Variants in MMP19 observed in about 807,000 individuals in gnomAD.
MMP19 encodes matrix metalloproteinase-19.
MMP19 carries 47 observed loss-of-function variants against 46.6 expected under a neutral mutation model. That is an observed-to-expected ratio of 1.01 (90% confidence interval 0.80 to 1.29). MMP19 has a LOEUF of 1.29. MMP19 is among the 50% of genes most tolerant of loss of function. MMP19 has a pLI of 0.00. For synonymous variants in MMP19, 222 were observed against 248.5 expected (o/e 0.89, Z 1.00); for missense variants, 589 against 643.5 (o/e 0.92, Z 0.92).
chr12:55,836,962 C>T lies in MMP19; in HGVS notation c.*74G>A, dbSNP rs1050163719. On this transcript the variant is annotated 3_prime_UTR_variant, in exon 9 of 9. Coordinates refer to ENST00000322569, the MANE Select transcript of MMP19 (RefSeq NM_002429.6). ...CATTCAGCTATTAGGCCTTAGGCTT[C>T]TGGGGGGGAAATGAAAGGGTGGGTG... 2.9e-5 allele frequency: 40 copies of T among 1,361,838 alleles called. No homozygotes were observed. Among genetic ancestry groups the T allele is most frequent in the Non-Finnish European group, 4.0e-5 (40 of 999,510 alleles). 84.4% of individuals were successfully genotyped at this position (1,361,838 alleles called of 1,614,324 possible).
Position 55,841,210 on chromosome 12 carries a change from G to T in MMP19, c.200C>A (p.Pro67Gln). ...LRAFQEASEL[P>Q]VSGQLDDATR... ...GGCATCATCCAGCTGACCTGAGACT[G>T]GAAGTTCAGATGCTTCCTGAAAAGC... Residue 67 changes from proline to glutamine, a missense_variant, in exon 3 of 9, where the codon CCA (proline) becomes CAA (glutamine). By Grantham distance (76) the Pro-to-Gln change is moderately conservative. Transcript: ENST00000322569. 1 of 1,613,638 alleles carries T rather than the reference G, an allele frequency of 6.2e-7. No homozygotes were observed. Among genetic ancestry groups the T allele is most frequent in the Non-Finnish European group, 8.5e-7 (1 of 1,179,936 alleles).
intron 4 of MMP19, 123 bp from the exon 5 acceptor site, chr12:55,839,864 C>T: frequency 7.8e-7 from 1 of 1,286,008 alleles, no homozygotes; most frequent in Non-Finnish European, 1.1e-6. Flanking sequence ...TTCACTGTCT[C>T]TTGGATGCTT....
chr12:55,837,473 C>T, intron 8 of MMP19, 82 bp downstream of exon 8: 4 of 1,596,000 alleles, frequency 2.5e-6, no homozygotes, highest in South Asian at 2.2e-5. Context: ...GAACATCTCC[C>T]TTCAAGCGCA....
At chr12:55,841,542 C>CCTTCCTTCCTTT (rs970298463) in intron 2 of MMP19, 2 of 262,428 alleles carry the variant, frequency 7.6e-6, no homozygotes, top group African/African-American at 4.4e-5. Context: ...TTCCTTCCTT[C>CCTTCCTTCCTTT]CTTCCTTCCT....
At position 55,840,713 on chromosome 12, in the gene MMP19, G is replaced by T. The variant is rs1881623394; in HGVS notation, c.474C>A (p.Phe158Leu). Residue 158 changes from phenylalanine (F) to leucine (L), a missense_variant, in exon 4 of 9, where the codon TTC (phenylalanine) becomes TTA (leucine). Phe to Leu is a conservative substitution (Grantham distance 22). Transcript: ENST00000322569. ...QAGAADIRLSFHGRQSSYCSN... is the reference protein window; with the variant it reads ...QAGAADIRLSLHGRQSSYCSN... ...AACAGTACGAGCTTTGGCGGCCATG[G>T]AAGGAGAGGCGGATGTCAGCCGCAC... The T allele has an allele frequency of 6.2e-7, 1 of 1,614,080 alleles. No individual in the cohort carries two copies. Among genetic ancestry groups the T allele is most frequent in the African/African-American group, 1.3e-5 (1 of 75,034 alleles).
chr12:55,841,180 CT>C lies in MMP19; in HGVS notation c.229del (p.Arg77GlyfsTer4). On this transcript the variant is annotated frameshift_variant, in exon 3 of 9. Coordinates refer to ENST00000322569, the MANE Select transcript of MMP19 (RefSeq NM_002429.6). LOFTEE classifies it high-confidence loss of function. ...PVSGQLDDATRARMRQPRCGL... is the reference protein window; with the variant it reads ...PVSGQLDDATXARMRQPRCGL... ...ACAACGAGGCTGCCTCATGCGGGCC[CT>C]TGTGGCATCATCCAGCTGACCTGAG... is the stretch of plus-strand genomic sequence containing the variant. The C allele has an allele frequency of 6.2e-7, 1 of 1,613,982 alleles. No homozygotes were observed. Among genetic ancestry groups the C allele is most frequent in the Non-Finnish European group, 8.5e-7 (1 of 1,179,998 alleles).
intron 2 of MMP19, among the ~76,000 whole-genome samples, chr12:55,841,645 C>G (rs1310794544): frequency 6.6e-6 from 1 of 151,946 alleles, no homozygotes; most frequent in Non-Finnish European, 1.5e-5. Context: ...TGTCAAACTT[C>G]TGGGCTCAAG....
At position 55,837,369 on chromosome 12, in the gene MMP19, G is replaced by A. The variant is rs139275281; in HGVS notation, c.1194C>T (p.Ser398=). 4.6e-5 allele frequency: 74 copies of A among 1,598,266 alleles called. No homozygotes were observed. Among genetic ancestry groups the A allele is most frequent in the East Asian group, 6.7e-5 (3 of 44,558 alleles). ...LNQKVFLFKG[S]GYWQWDELAR... is the part of the protein sequence containing the mutation. ...CTAGCTCGTCCCACTGCCAGTACCC[G>A]GAGCCCTGGATATGGGATGGGTGGG... The change falls in exon 9 of 9, where the codon TCC becomes TCT. Residue 398 remains serine (S), a synonymous_variant. Transcript: ENST00000322569.
chr12:55,840,253 G>A (rs1279371175), intron 4 of MMP19, among the ~76,000 whole-genome samples: 1 of 151,236 alleles, frequency 6.6e-6, no homozygotes, highest in African/African-American at 2.4e-5. Context: ...GGTTGAGGCT[G>A]CAGTGAGCCA....
chr12:55,841,290 G>A, intron 2 of MMP19, 54 bp from the exon 3 acceptor site: 1 of 1,581,480 alleles, frequency 6.3e-7, no homozygotes, highest in Non-Finnish European at 8.6e-7. Context: ...GAAATGACTG[G>A]GAGATGATTG....
Position 55,837,391 on chromosome 12 carries a change from T to TGGGGAGAGGGGAGAGGAA in MMP19, c.1189-35_1189-18dup. 6.3e-7 allele frequency: 1 copy of TGGGGAGAGGGGAGAGGAA among 1,589,836 alleles called. No individual in the cohort carries two copies. Among genetic ancestry groups the TGGGGAGAGGGGAGAGGAA allele is most frequent in the Middle Eastern group, 1.9e-4 (1 of 5,392 alleles). On this transcript the variant is annotated splice_polypyrimidine_tract_variant and intron_variant, in intron 8 of 8. Coordinates refer to ENST00000322569, the MANE Select transcript of MMP19 (RefSeq NM_002429.6). ...CCCGGAGCCCTGGATATGGGATGGG[T>TGGGGAGAGGGGAGAGGAA]GGGGAGAGGGGAGAGGAAGAGGAGA... is the stretch of plus-strand genomic sequence containing the variant.
chr12:55,840,608 C>G, intron 4 of MMP19, 59 bp downstream of exon 4: 2 of 1,523,492 alleles, frequency 1.3e-6, no homozygotes, highest in South Asian at 2.4e-5. Flanking sequence ...GTCACTGGTT[C>G]AAGGAGACAG....
Position 55,838,611 on chromosome 12 carries a change from A to C in MMP19, c.890T>G (p.Met297Arg), listed in dbSNP as rs779307393. The C allele has an allele frequency of 1.2e-6, 2 of 1,614,204 alleles. No individual in the cohort carries two copies. The highest frequency in any genetic ancestry group is 1.7e-6 in the Non-Finnish European group (2 of 1,180,024). Residue 297 changes from methionine (M) to arginine (R), a missense_variant, in exon 6 of 9, where the codon ATG (methionine) becomes AGG (arginine). Transcript: ENST00000322569. Reference sequence around the variant, plus strand: ...CTGGAGGGGAGGGGCCTCACCCAGCATCATGGCATCCAGTTCACTACTGCA... The same window carrying C: ...CTGGAGGGGAGGGGCCTCACCCAGCCTCATGGCATCCAGTTCACTACTGCA... ...DPCSSELDAM[M>R]LGPRGKTYAF...
intron 3 of MMP19, 51 bp downstream of exon 3, chr12:55,841,055 A>G (rs1437339286): frequency 4.4e-6 from 7 of 1,598,332 alleles, no homozygotes; most frequent in Middle Eastern, 2.2e-4. Context: ...CCCACACGCC[A>G]GAACCACATC....
intron 4 of MMP19, 73 bp from the exon 5 acceptor site, chr12:55,839,814 A>T: frequency 1.3e-6 from 2 of 1,503,588 alleles, no homozygotes; most frequent in Non-Finnish European, 1.8e-6. Context: ...CCTATTATAA[A>T]CTCTAATTAA....
chr12:55,842,700 C>T (rs1485968334), intron 1 of MMP19, 44 bp downstream of exon 1: 2 of 1,492,932 alleles, frequency 1.3e-6, no homozygotes, highest in East Asian at 4.8e-5. Flanking sequence ...GAGCAGTAAC[C>T]CCTGTCCCTC....
intron 5 of MMP19, 81 bp downstream of exon 5, chr12:55,839,415 A>C: frequency 6.7e-7 from 1 of 1,494,936 alleles, no homozygotes; most frequent in Non-Finnish European, 9.0e-7. Context: ...CTATATCCCT[A>C]CATGGAGGCT....
rs1363664005 is a variant in MMP19, at chr12:55,836,877, G to A, written c.*159C>T. The A allele has an allele frequency of 3.1e-6, 2 of 647,788 alleles. No individual in the cohort carries two copies. The highest frequency in any genetic ancestry group is 4.2e-5 in the South Asian group (2 of 47,388). 40.1% of individuals were successfully genotyped at this position (647,788 alleles called of 1,614,324 possible). On this transcript the variant is annotated 3_prime_UTR_variant, in exon 9 of 9. Coordinates refer to ENST00000322569, the MANE Select transcript of MMP19 (RefSeq NM_002429.6). ...GGAGTTGGAAGTGTTAGAGGCCTGA[G>A]ATCTACGGTCTTGCGCCTGCTACAG...
At chr12:55,838,452 C>A in intron 6 of MMP19, 154 bp downstream of exon 6, 1 of 1,578,710 alleles carries the variant, frequency 6.3e-7, no homozygotes, top group Non-Finnish European at 8.6e-7. Context: ...ACTCTCCCTC[C>A]CCATGTCACA....
Sources: allele counts gnomAD v4.1 joint callset (sites outside exome capture counted in the v4.1 genomes callset), GRCh38; gene constraint gnomAD v4.1.1; transcripts MANE v1.5; gene names NCBI Gene and HGNC (gene_info 2026-07-23, HGNC 2026-07-21).